The following MON2 variants were observed in gnomAD, a reference collection of about 807,000 sequenced individuals.
The protein encoded by MON2 is protein MON2 homolog.
MON2 carries 84 observed loss-of-function variants against 208.6 expected under a neutral mutation model. That is an observed-to-expected ratio of 0.40 (90% confidence interval 0.34 to 0.48). The LOEUF (loss-of-function observed/expected upper bound fraction) is 0.48. Among genes scored for constraint, MON2 ranks in the 20% least tolerant of loss-of-function variants. The pLI is 0.59. For missense variants in MON2, 1,611 were observed against 2,015.4 expected (o/e 0.80, Z 3.84); for synonymous variants, 660 against 694.0 (o/e 0.95, Z 0.77).
chr12:62,536,058 A>G (rs1334639429), intron 14 of MON2, among the ~76,000 whole-genome samples: 1 of 152,192 alleles, frequency 6.6e-6, no homozygotes, highest in African/African-American at 2.4e-5. Context: ...TATATATAAT[A>G]TAAATATTCA....
At chr12:62,560,088 G>A (rs1373155374) in intron 25 of MON2, 1 of 149,680 alleles carries the variant, frequency 6.7e-6, no homozygotes, top group African/African-American at 2.6e-5. Flanking sequence ...ATATGTATAA[G>A]TACATACATA....
intron 1 of MON2, among the ~76,000 whole-genome samples, chr12:62,471,376 G>A (rs927805389): frequency 3.3e-5 from 5 of 151,994 alleles, no homozygotes; most frequent in Non-Finnish European, 5.9e-5. Flanking sequence ...TAGAGACGGG[G>A]TTTCACCATG....
chr12:62,576,151 G>A (rs988488499), intron 30 of MON2, among the ~76,000 whole-genome samples: 9 of 152,194 alleles, frequency 5.9e-5, no homozygotes, highest in African/African-American at 2.2e-4. Flanking sequence ...AGAATGAAGT[G>A]CTAATGCATG....
At position 62,596,645 on chromosome 12, in the gene MON2, T is replaced by C. The variant is rs2136539274; in HGVS notation, c.*3896T>C. 1 of 152,334 alleles carries C rather than the reference T, an allele frequency of 6.6e-6. No homozygotes were observed. The highest frequency in any genetic ancestry group is 2.1e-4 in the South Asian group (1 of 4,832). 9.4% of individuals were successfully genotyped at this position (152,334 alleles called of 1,614,324 possible). ...TTTATTTTAAAAAAATTGTCATTCA[T>C]GAGAAGAATGGGAGTTCATGCCACA... is the stretch of plus-strand genomic sequence containing the variant. On this transcript the variant is annotated 3_prime_UTR_variant, in exon 35 of 35. Transcript: ENST00000393630.
At chr12:62,553,249 A>G in intron 24 of MON2, 75 bp downstream of exon 24, 1 of 1,294,962 alleles carries the variant, frequency 7.7e-7, no homozygotes, top group Non-Finnish European at 1.1e-6. Flanking sequence ...AGTTAAACTT[A>G]TTTCTTTTAA....
intron 25 of MON2, among the ~76,000 whole-genome samples, chr12:62,558,881 C>G (rs150518324): frequency 1.3e-5 from 2 of 151,718 alleles, no homozygotes; most frequent in African/African-American, 4.8e-5. Context: ...TATTTTTAGT[C>G]GAGACAGGGT....
intron 11 of MON2, 93 bp downstream of exon 11, chr12:62,526,195 C>A: frequency 2.6e-6 from 3 of 1,167,854 alleles, no homozygotes; most frequent in Non-Finnish European, 3.7e-6. Context: ...AAATTTTAGA[C>A]CCACTACTTC....
chr12:62,554,917 C>G (rs1011053267), intron 24 of MON2, among the ~76,000 whole-genome samples: 12 of 152,122 alleles, frequency 7.9e-5, no homozygotes, highest in African/African-American at 2.2e-4. Flanking sequence ...GCCTCAGCCT[C>G]CCGAGTAGCT....
At chr12:62,477,377 G>C (rs2069146788) in intron 1 of MON2, among the ~76,000 whole-genome samples, 1 of 151,760 alleles carries the variant, frequency 6.6e-6, no homozygotes, top group African/African-American at 2.4e-5. Context: ...CAACCCTTTG[G>C]ATTCTCATTC....
At chr12:62,566,242 A>G in intron 28 of MON2, 80 bp from the exon 29 acceptor site, 1 of 1,520,888 alleles carries the variant, frequency 6.6e-7, no homozygotes, top group South Asian at 1.3e-5. Flanking sequence ...TTTAAGACAA[A>G]GATGCTTTCT....
chr12:62,589,213 C>G (rs1464363399), intron 34 of MON2, among the ~76,000 whole-genome samples: 1 of 152,164 alleles, frequency 6.6e-6, no homozygotes, highest in Non-Finnish European at 1.5e-5. Context: ...AAACACACTG[C>G]TTGGTTCAGC....
chr12:62,513,139 T>C (rs893898780), intron 8 of MON2, among the ~76,000 whole-genome samples: 8 of 152,194 alleles, frequency 5.3e-5, no homozygotes, highest in African/African-American at 1.9e-4. Context: ...ATTTTCCCCA[T>C]TGTCTTGGTG....
intron 2 of MON2, among the ~76,000 whole-genome samples, chr12:62,489,704 A>G (rs1045653606): frequency 1.3e-5 from 2 of 152,074 alleles, no homozygotes; most frequent in African/African-American, 4.8e-5. Context: ...AACCAACATC[A>G]TTTGTTAAAT....
intron 34 of MON2, chr12:62,588,985 G>C: frequency 9.8e-7 from 1 of 1,021,172 alleles, no homozygotes; most frequent in Non-Finnish European, 1.4e-6. Context: ...CACTCTATTT[G>C]TATTACAATT....
At chr12:62,570,716 CTTTTTCTTTT>C (rs2074561526) in intron 29 of MON2, among the ~76,000 whole-genome samples, 1 of 71,470 alleles carries the variant, frequency 1.4e-5, no homozygotes, top group Non-Finnish European at 3.0e-5. Context: ...GCAGAATTTT[CTTTTTCTTTT>C]TTTTTTTTTT....
chr12:62,532,760 C>A (rs1011927024), intron 12 of MON2, 90 bp downstream of exon 12: 9 of 917,306 alleles, frequency 9.8e-6, no homozygotes, highest in Non-Finnish European at 1.5e-5. Context: ...TTCACCCTGA[C>A]TTCTCAAGTG....
intron 19 of MON2, among the ~76,000 whole-genome samples, chr12:62,539,406 G>A (rs1198466821): frequency 6.6e-6 from 1 of 151,818 alleles, no homozygotes; most frequent in African/African-American, 2.4e-5. Context: ...TGGGACTACA[G>A]GTGCCCGCCA....
intron 26 of MON2, among the ~76,000 whole-genome samples, chr12:62,564,135 C>G (rs2074290449): frequency 1.3e-5 from 2 of 152,052 alleles, no homozygotes; most frequent in South Asian, 4.1e-4. Flanking sequence ...GGAGCACTTG[C>G]ATATCTACTT....
chr12:62,581,476 C>T (rs2075002237), intron 32 of MON2, among the ~76,000 whole-genome samples: 1 of 152,102 alleles, frequency 6.6e-6, no homozygotes, highest in African/African-American at 2.4e-5. Flanking sequence ...TGGCTTGAGC[C>T]CAGGAGGCCG....
Sources: gnomAD v4.1 joint callset for allele counts (sites outside exome capture counted in the v4.1 genomes callset) on GRCh38, gnomAD v4.1.1 for gene constraint, MANE v1.5 for transcripts, NCBI Gene and HGNC (gene_info 2026-07-23, HGNC 2026-07-21) for gene names.